Variants in MICAL3 observed in about 807,000 individuals in gnomAD.
MICAL3 encodes [F-actin]-monooxygenase MICAL3.
A neutral mutation model predicts 207.4 loss-of-function variants in MICAL3; 62 were observed. The ratio of observed to expected loss-of-function variants is 0.30; its 90% CI spans 0.24 to 0.37. MICAL3 has a LOEUF of 0.37. Ranked by LOEUF, MICAL3 falls within the 10% of genes least tolerant of loss-of-function variation. The pLI is 1.00. For synonymous variants in MICAL3, 1,077 were observed against 1,069.3 expected (o/e 1.01, Z -0.14); for missense variants, 2,368 against 2,635.6 (o/e 0.90, Z 2.22).
intron 29 of MICAL3, among the ~76,000 whole-genome samples, chr22:17,800,690 C>T (rs2145966679): frequency 6.6e-6 from 1 of 152,096 alleles, no homozygotes; most frequent in Non-Finnish European, 1.5e-5. Flanking sequence ...TTTGCTCTGC[C>T]CATGGGAGAA....
intron 1 of MICAL3, among the ~76,000 whole-genome samples, chr22:18,002,183 G>A (rs1202829547): frequency 6.6e-6 from 1 of 152,110 alleles, no homozygotes; most frequent in Admixed American, 6.5e-5. Flanking sequence ...GGGCAACAGA[G>A]CGAGACTCCA....
intron 1 of MICAL3, among the ~76,000 whole-genome samples, chr22:17,937,659 G>A (rs112971057): frequency 7.9e-5 from 12 of 152,270 alleles, no homozygotes; most frequent in East Asian, 3.9e-4. Context: ...GTGAAACTCC[G>A]TCTCAAAATA....
At position 17,971,556 on chromosome 22, in the gene MICAL3, A is replaced by G. The variant is rs1474941319; in HGVS notation, c.-75+52725T>C. Among the ~76,000 whole-genome samples, 4 of 152,154 alleles carry G rather than the reference A, an allele frequency of 2.6e-5. No homozygotes were observed. In the East Asian group the frequency reaches 7.7e-4, roughly 29 times the overall value. On this transcript the variant is annotated intron_variant, in intron 1 of 31. Transcript: ENST00000441493. ...TCTAGCATTCATCTAGCATTCATCT[A>G]GCATACATCTAGCATTCATCTAGCA...
At position 17,875,489 on chromosome 22, in the gene MICAL3, G is replaced by A. The variant is rs762642034; in HGVS notation, c.2242-3466C>T. 3.9e-6 allele frequency: 6 copies of A among 1,556,274 alleles called. No homozygotes were observed. In the African/African-American group the frequency reaches 6.8e-5, roughly 18 times the overall value. On this transcript the variant is annotated intron_variant, in intron 16 of 31. Coordinates refer to ENST00000441493, the MANE Select transcript of MICAL3 (RefSeq NM_015241.3). ...AGGAGGGAGAGGCGGGGCGGGCAGA[G>A]GAGCGGAGACTAAGAGAAAGCTCCC... is the stretch of plus-strand genomic sequence containing the variant.
At chr22:17,960,251 G>T (rs760138996) in intron 1 of MICAL3, among the ~76,000 whole-genome samples, 6 of 97,978 alleles carry the variant, frequency 6.1e-5, no homozygotes, top group Non-Finnish European at 1.5e-4. Flanking sequence ...GTGCTAGGCA[G>T]TGAGCTCACT....
chr22:17,878,971 T>A (rs1929159107), intron 16 of MICAL3, among the ~76,000 whole-genome samples: 1 of 152,134 alleles, frequency 6.6e-6, no homozygotes, highest in African/African-American at 2.4e-5. Flanking sequence ...TTAGACCCTC[T>A]CCCTAAGAAG....
intron 16 of MICAL3, among the ~76,000 whole-genome samples, chr22:17,873,679 A>C (rs1272114858): frequency 6.6e-6 from 1 of 152,202 alleles, no homozygotes; most frequent in East Asian, 1.9e-4. Context: ...AGAGAAAAAA[A>C]CCCAACCAAC....
At chr22:17,985,385 T>C (rs1385676502) in intron 1 of MICAL3, among the ~76,000 whole-genome samples, 1 of 152,092 alleles carries the variant, frequency 6.6e-6, no homozygotes. Flanking sequence ...CTACTCCCTC[T>C]GCTTGTCCCT....
At chr22:17,798,952 TGG>T (rs2061908299) in intron 29 of MICAL3, among the ~76,000 whole-genome samples, 2 of 152,048 alleles carry the variant, frequency 1.3e-5, no homozygotes, top group Non-Finnish European at 2.9e-5. Flanking sequence ...GGATTACAGG[TGG>T]GAGCCACCGT....
At chr22:17,898,313 A>G (rs1472323242) in intron 7 of MICAL3, among the ~76,000 whole-genome samples, 1 of 152,220 alleles carries the variant, frequency 6.6e-6, no homozygotes, top group Non-Finnish European at 1.5e-5. Context: ...TAGCAAGGCA[A>G]TTTTAGAAAG....
intron 8 of MICAL3, 94 bp from the exon 9 acceptor site, chr22:17,896,455 T>G: frequency 1.2e-6 from 1 of 846,648 alleles, no homozygotes; most frequent in Non-Finnish European, 1.9e-6. Context: ...CTGTCGACAG[T>G]AGTGTTTGGC....
chr22:17,879,694 G>C (rs1929241738), intron 16 of MICAL3, among the ~76,000 whole-genome samples: 1 of 152,176 alleles, frequency 6.6e-6, no homozygotes, highest in Admixed American at 6.5e-5. Flanking sequence ...CTTTCACACA[G>C]TGGCATAAGA....
intron 1 of MICAL3, among the ~76,000 whole-genome samples, chr22:17,920,158 G>A (rs13056749): frequency 0.22 from 32,955 of 152,246 alleles, 3,769 homozygotes; most frequent in Middle Eastern, 0.28. Context: ...GAGAGGGAAA[G>A]CTGCACGCGT....
Position 17,865,905 on chromosome 22 carries a change from A to C in MICAL3, c.2517+19T>G, listed in dbSNP as rs1414479799. 32 of 1,598,352 alleles carry C rather than the reference A, an allele frequency of 2.0e-5. No homozygotes were observed. The highest frequency in any genetic ancestry group is 2.7e-5 in the Non-Finnish European group (32 of 1,165,898). On this transcript the variant is annotated intron_variant, in intron 18 of 31. Transcript: ENST00000441493. The stretch of plus-strand genomic sequence containing the variant: ...AACACCCACTGCTTCTCCCCCACTT[A>C]CAGGAGAGTCACCATTACCTTTCCA...
chr22:17,826,484 C>T (rs781039309), intron 22 of MICAL3: 12 of 985,850 alleles, frequency 1.2e-5, no homozygotes, highest in Admixed American at 6.1e-5. Context: ...CAGGCCTGCA[C>T]CGCCGCGTGG....
rs1458484585 is a variant in MICAL3, at chr22:17,841,919, G to A, written c.2704C>T (p.Gln902Ter). ...GGTACCTCCTGCAGTGCCTCAGCCT[G>A]CCTCAGGGACAGGCGGTAGTTCTCC... ...ELENYRLSLR[Q>*]AEALQEVPEE... Residue 902 changes from glutamine (Q) to a stop codon, truncating the protein, a stop_gained, in exon 20 of 32, where the codon CAG becomes TAG. Coordinates refer to ENST00000441493, the MANE Select transcript of MICAL3 (RefSeq NM_015241.3). LOFTEE classifies it high-confidence loss of function. This position sits in a 1 kb window ranked among gnomAD's most constrained non-coding sequence, Gnocchi z 4.2. 1.3e-6 allele frequency: 2 copies of A among 1,598,218 alleles called. No homozygotes were observed. Among genetic ancestry groups the A allele is most frequent in the Admixed American group, 3.4e-5 (2 of 58,500 alleles).
At chr22:17,849,023 C>T (rs1001943109) in intron 19 of MICAL3, among the ~76,000 whole-genome samples, 1 of 152,248 alleles carries the variant, frequency 6.6e-6, no homozygotes, top group African/African-American at 2.4e-5. Context: ...CTCCAACAAA[C>T]TTCTTCTGTG....
chr22:17,929,137 C>T (rs2146313421), intron 1 of MICAL3, among the ~76,000 whole-genome samples: 1 of 149,532 alleles, frequency 6.7e-6, no homozygotes, highest in East Asian at 2.0e-4. Flanking sequence ...CTCCCTCTGT[C>T]TGCCAGGCTG....
chr22:17,843,407 C>T (rs1420865277), intron 19 of MICAL3, among the ~76,000 whole-genome samples: 2 of 152,080 alleles, frequency 1.3e-5, no homozygotes, highest in African/African-American at 4.8e-5. Context: ...TGAGTAGCAC[C>T]GGGTCCAGGT....
Sources: gnomAD v4.1 joint callset for allele counts (sites outside exome capture counted in the v4.1 genomes callset) on GRCh38, gnomAD v4.1.1 for gene constraint, Gnocchi (gnomAD v3.1) non-coding constraint, MANE v1.5 for transcripts, NCBI Gene and HGNC (gene_info 2026-07-23, HGNC 2026-07-21) for gene names.